DACH1: variants seen among roughly 807,000 people sequenced by gnomAD.
DACH1 encodes dachshund homolog 1.
A neutral mutation model predicts 54.2 loss-of-function variants in DACH1; 12 were observed. The ratio of observed to expected loss-of-function variants is 0.22; its 90% CI spans 0.14 to 0.36. DACH1 has a LOEUF of 0.36. Ranked by LOEUF, DACH1 falls within the 10% of genes least tolerant of loss-of-function variation. The probability of loss-of-function intolerance (pLI) is 1.00; values close to 1 mark genes in which losing one functional copy is unlikely to be tolerated. For missense variants in DACH1, 805 were observed against 929.8 expected (o/e 0.87, Z 1.75); for synonymous variants, 386 against 366.2 (o/e 1.05, Z -0.62).
chr13:71,767,375 A>G (rs1885681985), intron 1 of DACH1, among the ~76,000 whole-genome samples: 1 of 152,092 alleles, frequency 6.6e-6, no homozygotes, highest in African/African-American at 2.4e-5. Flanking sequence ...GGAATAAAAT[A>G]TCTAAGAATA....
intron 1 of DACH1, among the ~76,000 whole-genome samples, chr13:71,702,998 C>T (rs1429819493): frequency 6.6e-6 from 1 of 152,102 alleles, no homozygotes; most frequent in East Asian, 1.9e-4. Context: ...GCCATCTCAA[C>T]CTAGATTGTA....
At chr13:71,599,028 A>T (rs775448199) in intron 3 of DACH1, among the ~76,000 whole-genome samples, 6 of 152,144 alleles carry the variant, frequency 3.9e-5, no homozygotes, top group Non-Finnish European at 8.8e-5. Context: ...TTATTTATAT[A>T]AGGGTATAGC....
chr13:71,860,221 TAC>T (rs141566720), intron 1 of DACH1, among the ~76,000 whole-genome samples: 49 of 148,604 alleles, frequency 3.3e-4, no homozygotes, highest in Admixed American at 4.7e-4. Flanking sequence ...CATACGTATG[TAC>T]ACACACACAC....
At chr13:71,596,606 A>G (rs192337290) in intron 3 of DACH1, among the ~76,000 whole-genome samples, 1 of 152,342 alleles carries the variant, frequency 6.6e-6, no homozygotes, top group East Asian at 1.9e-4. Context: ...AGACAATGTC[A>G]TCACAAAGCC....
intron 6 of DACH1, among the ~76,000 whole-genome samples, chr13:71,508,590 C>G (rs933982477): frequency 9.2e-5 from 14 of 151,960 alleles, no homozygotes; most frequent in African/African-American, 3.4e-4. Context: ...CCTCAGCCTC[C>G]TAAGGAGCTG....
intron 3 of DACH1, among the ~76,000 whole-genome samples, chr13:71,616,300 T>C (rs1875756919): frequency 6.6e-6 from 1 of 152,130 alleles, no homozygotes; most frequent in Admixed American, 6.6e-5. Context: ...GATGCATGCA[T>C]GAACAGCTGG....
chr13:71,795,967 G>C (rs1402690678), intron 1 of DACH1, among the ~76,000 whole-genome samples: 4 of 152,118 alleles, frequency 2.6e-5, no homozygotes, highest in African/African-American at 9.7e-5. Context: ...ATATCTAAGA[G>C]AGCGTTATGA....
rs762754394 is a variant in DACH1 at position 71,479,299 on chromosome 13, G to A, written c.1740C>T (p.Ala580=). Residue 580 remains alanine, a synonymous_variant, in exon 8 of 11, where the codon GCC becomes GCT. Coordinates refer to ENST00000613252, the MANE Select transcript of DACH1 (RefSeq NM_080759.6). Reference sequence around the variant, plus strand: ...TCTCTTGAGCTCTGGCATTATCTATGGCAACTTTCAACAGCCCCTGTACAA... The same window carrying A: ...TCTCTTGAGCTCTGGCATTATCTATAGCAACTTTCAACAGCCCCTGTACAA... The part of the protein sequence containing the change: ...LTNIQGLLKV[A]IDNARAQEKQ... The A allele has an allele frequency of 6.2e-7, 1 of 1,612,900 alleles. No individual in the cohort carries two copies. Among genetic ancestry groups the A allele is most frequent in the African/African-American group, 1.3e-5 (1 of 74,826 alleles).
chr13:71,838,525 T>C (rs1031232977), intron 1 of DACH1, among the ~76,000 whole-genome samples: 6 of 152,202 alleles, frequency 3.9e-5, no homozygotes, highest in Admixed American at 6.5e-5. Context: ...AAGATAAAGA[T>C]ATAGTGAAAC....
chr13:71,462,358 G>A (rs940410182), intron 10 of DACH1, among the ~76,000 whole-genome samples: 10 of 151,600 alleles, frequency 6.6e-5, no homozygotes, highest in African/African-American at 2.4e-4. Flanking sequence ...ATAATATGTA[G>A]CTGCAAATAA....
chr13:71,830,809 T>A (rs1888556632), intron 1 of DACH1, among the ~76,000 whole-genome samples: 2 of 151,844 alleles, frequency 1.3e-5, no homozygotes, highest in African/African-American at 4.8e-5. Flanking sequence ...CTTTTGGATT[T>A]TAGAACCATA....
At chr13:71,823,976 T>C (rs542812017) in intron 1 of DACH1, among the ~76,000 whole-genome samples, 17 of 152,036 alleles carry the variant, frequency 1.1e-4, no homozygotes, top group Non-Finnish European at 2.1e-4. Context: ...TTACTGGATA[T>C]CAAGGAGAAA....
rs117388364 is a variant in DACH1, at chr13:71,466,423, C to T, written c.2083+8718G>A. Among the ~76,000 whole-genome samples, 71 of 152,228 alleles carry T rather than the reference C, an allele frequency of 4.7e-4. 1 individual carries two copies. In the East Asian group the frequency reaches 0.011, roughly 23 times the overall value. On this transcript the variant is annotated intron_variant, in intron 10 of 10. Transcript: ENST00000613252. ...AATATTTAATGGCAATTTAGTTGCA[C>T]GATGTCTACTTCCCCTCTCTAAACT...
intron 7 of DACH1, 28 bp downstream of exon 7, chr13:71,488,969 C>T (rs766060983): frequency 1.2e-6 from 2 of 1,600,234 alleles, no homozygotes; most frequent in African/African-American, 1.3e-5. Context: ...TTCCATATGT[C>T]TTTCTTCCAG....
rs1882432101 is a variant in DACH1 at position 71,706,192 on chromosome 13, A to C, written c.849-24282T>G. Among the ~76,000 whole-genome samples the C allele has an allele frequency of 3.3e-5, 5 of 152,020 alleles. No individual in the cohort carries two copies. In the South Asian group the frequency reaches 1.0e-3, roughly 32 times the overall value. On this transcript the variant is annotated intron_variant, in intron 1 of 10. Transcript: ENST00000613252. ...GTTTTTAAGTGGCATTTTATTATGT[A>C]CAACTTCCTTGATTTTCTATAAAGA...
chr13:71,772,248 A>T (rs1885886663), intron 1 of DACH1, among the ~76,000 whole-genome samples: 1 of 151,740 alleles, frequency 6.6e-6, no homozygotes, highest in East Asian at 1.9e-4. Context: ...TAAGGAATAG[A>T]CAATGGGTTC....
At chr13:71,743,702 T>A (rs1162884479) in intron 1 of DACH1, among the ~76,000 whole-genome samples, 3 of 152,230 alleles carry the variant, frequency 2.0e-5, no homozygotes, top group Non-Finnish European at 4.4e-5. Context: ...TTTATGGCTT[T>A]ATAAATATTA....
chr13:71,593,611 T>A (rs950266136), intron 3 of DACH1, among the ~76,000 whole-genome samples: 2 of 152,070 alleles, frequency 1.3e-5, no homozygotes, highest in African/African-American at 4.8e-5. Context: ...ATGAATGTTA[T>A]CCATTTTAAA....
At chr13:71,831,846 C>A (rs766122567) in intron 1 of DACH1, among the ~76,000 whole-genome samples, 3 of 151,900 alleles carry the variant, frequency 2.0e-5, no homozygotes, top group Admixed American at 6.6e-5. Context: ...CAAACACACA[C>A]TGGAGCTGTC....
Sources: gnomAD v4.1 joint callset for allele counts (sites outside exome capture counted in the v4.1 genomes callset) on GRCh38, gnomAD v4.1.1 for gene constraint, MANE v1.5 for transcripts, NCBI Gene and HGNC (gene_info 2026-07-23, HGNC 2026-07-21) for gene names.